The following TENM2 variants were observed in gnomAD, a reference collection of about 807,000 sequenced individuals.
TENM2 encodes the protein teneurin-2.
Under a neutral mutation model 245.2 loss-of-function variants are expected in TENM2, and 52 were observed. The ratio of observed to expected loss-of-function variants is 0.21; its 90% CI spans 0.17 to 0.27. The LOEUF is 0.27. Ranked by LOEUF, TENM2 falls within the 10% of genes least tolerant of loss-of-function variation. The probability of loss-of-function intolerance (pLI) is 1.00; values close to 1 mark genes in which losing one functional copy is unlikely to be tolerated. For synonymous variants in TENM2, 1,363 were observed against 1,438.9 expected (o/e 0.95, Z 1.19); for missense variants, 3,046 against 3,666.8 (o/e 0.83, Z 4.37).
chr5:168,112,559 A>T (rs916515747), intron 9 of TENM2, among the ~76,000 whole-genome samples: 4 of 126,350 alleles, frequency 3.2e-5, no homozygotes, highest in Non-Finnish European at 6.3e-5. Flanking sequence ...ATTCCTTTTT[A>T]TTGCTGCATA....
intron 1 of TENM2, among the ~76,000 whole-genome samples, chr5:167,291,994 C>G (rs1754668630): frequency 6.6e-6 from 1 of 152,114 alleles, no homozygotes; most frequent in Non-Finnish European, 1.5e-5. Context: ...AAAGGAGGAG[C>G]AAAGGCACAT....
chr5:167,404,536 C>T (rs1762526625), intron 2 of TENM2, among the ~76,000 whole-genome samples: 1 of 152,116 alleles, frequency 6.6e-6, no homozygotes, highest in Non-Finnish European at 1.5e-5. Flanking sequence ...CTTTTAACCA[C>T]ATTCATCAGT....
At chr5:168,139,998 C>T (rs1248641145) in intron 12 of TENM2, among the ~76,000 whole-genome samples, 1 of 152,230 alleles carries the variant, frequency 6.6e-6, no homozygotes, top group East Asian at 1.9e-4. Context: ...GACCACCCAT[C>T]TGTGACTACT....
chr5:167,533,993 T>G (rs1771690486), intron 2 of TENM2, among the ~76,000 whole-genome samples: 1 of 152,162 alleles, frequency 6.6e-6, no homozygotes, highest in Admixed American at 6.5e-5. Context: ...AGCAACAAGC[T>G]TGAGGTTTAG....
intron 1 of TENM2, among the ~76,000 whole-genome samples, chr5:167,368,593 C>T (rs1252526287): frequency 2.0e-5 from 3 of 152,090 alleles, no homozygotes; most frequent in East Asian, 3.9e-4. Flanking sequence ...AACCCTGGAT[C>T]GTATTTAAAT....
downstream of TENM2, chr5:168,263,028 G>A (rs557408555): frequency 7.9e-6 from 4 of 509,474 alleles, no homozygotes; most frequent in African/African-American, 1.9e-5. Flanking sequence ...AAATTCCGAG[G>A]AAAACAAAAC....
At chr5:168,035,146 T>C (rs1378238067) in intron 5 of TENM2, among the ~76,000 whole-genome samples, 1 of 152,214 alleles carries the variant, frequency 6.6e-6, no homozygotes, top group Non-Finnish European at 1.5e-5. Flanking sequence ...ATATTTTGGA[T>C]ATATTGAGTA....
chr5:168,227,726 C>CTACT (rs1442600267), intron 24 of TENM2, among the ~76,000 whole-genome samples, 169 bp from the exon 27 acceptor site: 1 of 151,984 alleles, frequency 6.6e-6, no homozygotes, highest in Non-Finnish European at 1.5e-5. Flanking sequence ...AGTATCTCTG[C>CTACT]TACTTACCTT....
intron 5 of TENM2, among the ~76,000 whole-genome samples, chr5:168,033,472 T>C (rs1276332222): frequency 2.0e-5 from 3 of 152,136 alleles, no homozygotes; most frequent in Non-Finnish European, 4.4e-5. Flanking sequence ...TAATGATCAA[T>C]GAGAAATGTC....
intron 3 of TENM2, among the ~76,000 whole-genome samples, chr5:167,914,842 GTC>G (rs1419063939): frequency 2.6e-5 from 4 of 152,112 alleles, no homozygotes; most frequent in African/African-American, 4.8e-5. Context: ...CTCTCCCTGT[GTC>G]TCTCTGCATC....
At chr5:167,421,326 A>G (rs2127423870) in intron 2 of TENM2, among the ~76,000 whole-genome samples, 1 of 152,324 alleles carries the variant, frequency 6.6e-6, no homozygotes, top group South Asian at 2.1e-4. Flanking sequence ...TAGAGTAGTC[A>G]CTTATATTGA....
At position 167,635,633 on chromosome 5, in the gene TENM2, C is replaced by CTTTTTTTTTT. The variant is rs76155764; in HGVS notation, c.503-240333_503-240324dup. Among the ~76,000 whole-genome samples, 396 of 74,928 alleles carry CTTTTTTTTTT rather than the reference C, an allele frequency of 5.3e-3. 68 individuals are homozygous for CTTTTTTTTTT. Among genetic ancestry groups the CTTTTTTTTTT allele is most frequent in the African/African-American group, 0.019 (319 of 16,850 alleles). 49.2% of individuals were successfully genotyped at this position (74,928 alleles called of 152,430 possible). A position where few individuals can be genotyped will look rare whatever the true frequency, so the allele number is the denominator to read the frequency against. On this transcript the variant is annotated intron_variant, in intron 2 of 28. Coordinates refer to ENST00000518659, the Ensembl canonical transcript of TENM2. Reference sequence around the variant, plus strand: ...GGAATCTGGCTATGATCAGTACAGTCTTTTTTTTTTTTTTTTTTTTTTTTT... The same window carrying CTTTTTTTTTT: ...GGAATCTGGCTATGATCAGTACAGTCTTTTTTTTTTTTTTTTTTTTTTTTTTTTTTTTTTT...
rs1339051385 is a variant in TENM2, at chr5:168,158,850, T to TATATATATATATATATATATACACAC, written c.2423-3760_2423-3759insTATATATATATATATATATACACACA. Among the ~76,000 whole-genome samples the TATATATATATATATATATATACACAC allele has an allele frequency of 2.6e-3, 161 of 62,060 alleles. 2 individuals carry two copies. Among genetic ancestry groups the TATATATATATATATATATATACACAC allele is most frequent in the Non-Finnish European group, 3.6e-3 (115 of 31,848 alleles). The allele number at this position is 62,060 out of a possible 152,430, so 40.7% of individuals were successfully genotyped here. Reference sequence around the variant, plus strand: ...GTGTGTATATATATATATATATATATACACACACACACACACACATATATA... The same window carrying TATATATATATATATATATATACACAC: ...GTGTGTATATATATATATATATATATATATATATATATATATATATACACACACACACACACACACACACATATATA... On this transcript the variant is annotated intron_variant, in intron 12 of 28. Transcript: ENST00000518659.
intron 7 of TENM2, among the ~76,000 whole-genome samples, chr5:168,066,345 G>C (rs1790506801): frequency 1.3e-5 from 2 of 152,096 alleles, no homozygotes. Flanking sequence ...ACCATCAGAT[G>C]GTGTCCCCTG....
intron 2 of TENM2, among the ~76,000 whole-genome samples, chr5:167,791,373 G>T (rs972672383): frequency 1.4e-4 from 20 of 138,112 alleles, no homozygotes; most frequent in Non-Finnish European, 2.2e-4. Context: ...CCACAGGATG[G>T]ATAGCAAAGT....
chr5:167,114,374 A>G, the TENM2 span, among the ~76,000 whole-genome samples: 4 of 152,222 alleles, frequency 2.6e-5, no homozygotes, highest in Admixed American at 6.5e-5. Context: ...TTTGTGAAAA[A>G]TCGGAAAGAG....
chr5:167,147,134 T>G, the TENM2 span, among the ~76,000 whole-genome samples: 2 of 152,206 alleles, frequency 1.3e-5, no homozygotes, highest in Non-Finnish European at 2.9e-5. Context: ...CCCTTTTTCT[T>G]TTATTAAAAT....
intron 2 of TENM2, among the ~76,000 whole-genome samples, chr5:167,799,833 C>A (rs140013376): frequency 1.8e-3 from 279 of 152,314 alleles, no homozygotes; most frequent in African/African-American, 6.0e-3. Flanking sequence ...CTATGATGAT[C>A]ACAGTTTGAT....
Position 167,934,766 on chromosome 5 carries a change from C to T in TENM2, c.713-17822C>T, listed in dbSNP as rs138859797. ...CTTCCCGTCTTCCCACAAGGAAACT[C>T]GGCTCCAGCCCATTCAGGGCAGCCT... On this transcript the variant is annotated intron_variant, in intron 3 of 28. Coordinates refer to ENST00000518659, the Ensembl canonical transcript of TENM2. 4.5e-4 allele frequency: 315 copies of T among 694,320 alleles called. 1 individual carries two copies. In the Middle Eastern group the frequency reaches 0.015, roughly 33 times the overall value. 43.0% of individuals were successfully genotyped at this position (694,320 alleles called of 1,614,324 possible).
Sources: allele counts gnomAD v4.1 joint callset (sites outside exome capture counted in the v4.1 genomes callset), GRCh38; gene constraint gnomAD v4.1.1; transcripts MANE v1.5; gene names NCBI Gene and HGNC (gene_info 2026-07-23, HGNC 2026-07-21).